The following SORCS2 variants were observed in gnomAD, a reference collection of about 807,000 sequenced individuals.
SORCS2 encodes the protein sortilin related VPS10 domain containing receptor 2.
Under a neutral mutation model 141.6 loss-of-function variants are expected in SORCS2, and 100 were observed. The ratio of observed to expected loss-of-function variants is 0.71; its 90% CI spans 0.60 to 0.83. The LOEUF is 0.83. Ranked by LOEUF, SORCS2 falls within the 40% of genes least tolerant of loss-of-function variation. The probability of loss-of-function intolerance (pLI) is 0.00; values close to 1 mark genes in which losing one functional copy is unlikely to be tolerated. For synonymous variants in SORCS2, 789 were observed against 676.9 expected (o/e 1.17, Z -2.57); for missense variants, 1,646 against 1,560.2 (o/e 1.05, Z -0.93).
At chr4:7,293,983 C>T (rs1332805575) in intron 1 of SORCS2, among the ~76,000 whole-genome samples, 17 of 152,146 alleles carry the variant, frequency 1.1e-4, no homozygotes, top group Admixed American at 7.2e-4. Context: ...AAATTATTGC[C>T]GTACCCTTTT....
At chr4:7,295,768 G>T (rs983269164) in intron 1 of SORCS2, among the ~76,000 whole-genome samples, 3 of 152,238 alleles carry the variant, frequency 2.0e-5, no homozygotes, top group African/African-American at 7.2e-5. Context: ...TTGAGGTGTG[G>T]CCTCCTGGGA....
intron 1 of SORCS2, chr4:7,382,079 C>A: frequency 1.4e-6 from 1 of 693,330 alleles, no homozygotes; most frequent in Non-Finnish European, 1.8e-6. Context: ...TGAGGGGCTC[C>A]AAGGCCTCCA....
Position 7,664,256 on chromosome 4 carries a change from A to T in SORCS2, c.953-97A>T. Reference sequence around the variant, plus strand: ...ATTCAAGCCCATGAAGCCACACCACAGCGGTATTGGAGGAAGATGGAGTCC... The same window carrying T: ...ATTCAAGCCCATGAAGCCACACCACTGCGGTATTGGAGGAAGATGGAGTCC... On this transcript the variant is annotated intron_variant, in intron 6 of 26. Transcript: ENST00000507866. This position sits in a 1 kb window ranked among gnomAD's most constrained non-coding sequence, Gnocchi z 4.7. 1.1e-6 allele frequency: 1 copy of T among 934,726 alleles called. No individual in the cohort carries two copies. Among genetic ancestry groups the T allele is most frequent in the East Asian group, 2.7e-5 (1 of 37,428 alleles). 57.9% of individuals were successfully genotyped at this position (934,726 alleles called of 1,614,324 possible). A position where few individuals can be genotyped will look rare whatever the true frequency, so the allele number is the denominator to read the frequency against.
At chr4:7,629,102 A>G (rs1379103721) in intron 3 of SORCS2, among the ~76,000 whole-genome samples, 1 of 152,092 alleles carries the variant, frequency 6.6e-6, no homozygotes, top group African/African-American at 2.4e-5. Context: ...GTCTCACCTC[A>G]GAAAACAAGT....
At chr4:7,649,028 C>T (rs924820390) in intron 4 of SORCS2, among the ~76,000 whole-genome samples, 2 of 152,180 alleles carry the variant, frequency 1.3e-5, no homozygotes, top group Non-Finnish European at 2.9e-5. Context: ...ACTGCAGCCC[C>T]GTCCTCTCTG....
chr4:7,653,772 C>T (rs1200872762), intron 4 of SORCS2, among the ~76,000 whole-genome samples: 2 of 152,222 alleles, frequency 1.3e-5, no homozygotes, highest in Admixed American at 1.3e-4. Context: ...TTCACTGCTC[C>T]AGCCCTGGCA....
chr4:7,454,937 G>A (rs1728778179), intron 2 of SORCS2, among the ~76,000 whole-genome samples: 1 of 143,024 alleles, frequency 7.0e-6, no homozygotes, highest in South Asian at 2.4e-4. Context: ...CTGTGTGTTG[G>A]GGTCAGGAGC....
chr4:7,678,717 G>T (rs766306746), intron 9 of SORCS2, among the ~76,000 whole-genome samples: 3 of 149,706 alleles, frequency 2.0e-5, no homozygotes, highest in Non-Finnish European at 4.4e-5. Flanking sequence ...CCATCCACCA[G>T]CTGGGTGCCC....
At chr4:7,275,847 A>G (rs1271578862) in intron 1 of SORCS2, among the ~76,000 whole-genome samples, 1 of 152,136 alleles carries the variant, frequency 6.6e-6, no homozygotes, top group African/African-American at 2.4e-5. Context: ...CTCCTGTCTC[A>G]TTTATTCAAC....
intron 1 of SORCS2, among the ~76,000 whole-genome samples, chr4:7,369,153 CAAA>C (rs530964794): frequency 6.6e-6 from 1 of 151,746 alleles, no homozygotes; most frequent in Non-Finnish European, 1.5e-5. Flanking sequence ...CTAAAAAATA[CAAA>C]AAAAATTAGC....
chr4:7,219,001 TTCCTAC>T (rs1728539705), intron 1 of SORCS2, among the ~76,000 whole-genome samples: 1 of 83,254 alleles, frequency 1.2e-5, no homozygotes, highest in African/African-American at 6.1e-5. Flanking sequence ...TGCTAGGCCC[TTCCTAC>T]CTCAGAGCCC....
At chr4:7,700,972 A>G (rs1725036137) in intron 12 of SORCS2, among the ~76,000 whole-genome samples, 1 of 152,206 alleles carries the variant, frequency 6.6e-6, no homozygotes, top group South Asian at 2.1e-4. Context: ...GAAAGTGGGG[A>G]AATAACCTGT....
intron 2 of SORCS2, among the ~76,000 whole-genome samples, chr4:7,490,422 C>T (rs1440812843): frequency 1.3e-5 from 2 of 152,136 alleles, no homozygotes; most frequent in African/African-American, 4.8e-5. Flanking sequence ...GATCACGGAG[C>T]TCAACCATAA....
At chr4:7,484,349 A>G (rs1730843139) in intron 2 of SORCS2, among the ~76,000 whole-genome samples, 1 of 152,156 alleles carries the variant, frequency 6.6e-6, no homozygotes, top group African/African-American at 2.4e-5. Context: ...TCATTTGGAG[A>G]ACCAAAGTAA....
chr4:7,394,547 G>T (rs574362506), intron 1 of SORCS2, among the ~76,000 whole-genome samples: 1 of 145,574 alleles, frequency 6.9e-6, no homozygotes, highest in East Asian at 2.1e-4. Context: ...GCATCCCAGG[G>T]TGAGGAACGC....
chr4:7,503,004 T>G (rs773225129), intron 2 of SORCS2, among the ~76,000 whole-genome samples: 1 of 152,244 alleles, frequency 6.6e-6, no homozygotes, highest in African/African-American at 2.4e-5. Flanking sequence ...TCCACCCGAT[T>G]TCACGTTTTA....
Position 7,366,166 on chromosome 4 carries a change from C to T in SORCS2, c.481-30122C>T, listed in dbSNP as rs559325459. 1.6e-3 allele frequency among the ~76,000 whole-genome samples: 236 copies of T among 152,256 alleles called. 2 individuals carry two copies. Among genetic ancestry groups the T allele is most frequent in the South Asian group, 3.5e-3 (17 of 4,822 alleles). ...CACCCTCCTCCTCCTTGGCAGGCCC[C>T]GTCATCTCGAAGGTGAGGAAGGAGA... On this transcript the variant is annotated intron_variant, in intron 1 of 26. Transcript: ENST00000507866.
At chr4:7,566,213 T>C (rs935908939) in intron 3 of SORCS2, among the ~76,000 whole-genome samples, 1 of 151,506 alleles carries the variant, frequency 6.6e-6, no homozygotes, top group Non-Finnish European at 1.5e-5. Context: ...ATGGTGGTGA[T>C]GATGACAGAG....
At chr4:7,394,008 TC>T (rs1724038317) in intron 1 of SORCS2, among the ~76,000 whole-genome samples, 1 of 151,852 alleles carries the variant, frequency 6.6e-6, no homozygotes, top group African/African-American at 2.4e-5. Context: ...GTCTGGCTTC[TC>T]CAGCACTGGC....
Sources: allele counts gnomAD v4.1 joint callset (sites outside exome capture counted in the v4.1 genomes callset), GRCh38; gene constraint gnomAD v4.1.1; non-coding constraint Gnocchi (gnomAD v3.1); transcripts MANE v1.5; gene names NCBI Gene and HGNC (gene_info 2026-07-23, HGNC 2026-07-21).